RABGAP1L: variants seen among roughly 807,000 people sequenced by gnomAD.
RABGAP1L encodes the protein RAB GTPase activating protein 1 like, also known as rab GTPase-activating protein 1-like.
Under a neutral mutation model 137.7 loss-of-function variants are expected in RABGAP1L, and 63 were observed. The observed-to-expected ratio is 0.46, with a 90% CI of 0.37 to 0.56. The LOEUF is 0.56. Among genes scored for constraint, RABGAP1L ranks in the 20% least tolerant of loss-of-function variants. RABGAP1L has a pLI of 0.00. For missense variants in RABGAP1L, 1,095 were observed against 1,244.0 expected (o/e 0.88, Z 1.80); for synonymous variants, 431 against 433.7 (o/e 0.99, Z 0.08).
intron 18 of RABGAP1L, among the ~76,000 whole-genome samples, chr1:174,806,114 A>G (rs1313593546): frequency 6.6e-6 from 1 of 152,228 alleles, no homozygotes; most frequent in Non-Finnish European, 1.5e-5. Context: ...AGAAGCCAGC[A>G]CAACCTATTT....
At position 174,925,790 on chromosome 1, in the gene RABGAP1L, AAATAT is replaced by A. The variant is rs1301446920; in HGVS notation, c.2341-31663_2341-31659del. 3.4e-5 allele frequency among the ~76,000 whole-genome samples: 5 copies of A among 148,762 alleles called. No homozygotes were observed. The East Asian group carries it at 7.8e-4, about 23-fold the overall frequency. On this transcript the variant is annotated intron_variant, in intron 19 of 25. Transcript: ENST00000681986. ...TTTTTAGTTTTTTGTGCAATTAAAAAAATATAATGTGAGATAGAGAACCTGATTTT... is the reference window on the plus strand; with the variant it reads ...TTTTTAGTTTTTTGTGCAATTAAAAAAATGTGAGATAGAGAACCTGATTTT...
At chr1:174,189,892 C>CT (rs1421416787) in intron 1 of RABGAP1L, among the ~76,000 whole-genome samples, 1 of 152,144 alleles carries the variant, frequency 6.6e-6, no homozygotes, top group African/African-American at 2.4e-5. Flanking sequence ...GAATGAGACT[C>CT]TGTCTCCAAA....
intron 17 of RABGAP1L, among the ~76,000 whole-genome samples, chr1:174,746,299 C>T (rs1375137724): frequency 6.6e-6 from 1 of 152,118 alleles, no homozygotes. Flanking sequence ...AAAGATGATG[C>T]CAGAATGTAA....
intron 11 of RABGAP1L, among the ~76,000 whole-genome samples, chr1:174,350,124 G>T (rs1449468072): frequency 2.2e-5 from 3 of 138,216 alleles, no homozygotes; most frequent in Non-Finnish European, 3.1e-5. Flanking sequence ...GGCACGGCTG[G>T]CCGGGTGGGG....
At chr1:174,358,956 A>G (rs1176039545) in intron 11 of RABGAP1L, among the ~76,000 whole-genome samples, 9 of 152,182 alleles carry the variant, frequency 5.9e-5, no homozygotes, top group Non-Finnish European at 1.0e-4. Flanking sequence ...ATGACGTGCT[A>G]AGTGCTATGA....
chr1:174,355,836 G>T (rs2148946756), intron 11 of RABGAP1L, among the ~76,000 whole-genome samples: 1 of 152,234 alleles, frequency 6.6e-6, no homozygotes, highest in Admixed American at 6.5e-5. Context: ...AGTTGGGAAA[G>T]AAATCATTTG....
At chr1:174,514,050 C>A (rs981365230) in intron 13 of RABGAP1L, among the ~76,000 whole-genome samples, 1 of 151,862 alleles carries the variant, frequency 6.6e-6, no homozygotes, top group Non-Finnish European at 1.5e-5. Context: ...GTTCAGCTAT[C>A]AGAGCAGGAA....
intron 13 of RABGAP1L, among the ~76,000 whole-genome samples, chr1:174,620,840 A>C (rs61826922): frequency 0.091 from 13,828 of 152,080 alleles, 850 homozygotes; most frequent in East Asian, 0.22. Flanking sequence ...ATCAATGAAT[A>C]CAGGAGCTGG....
At chr1:174,290,690 C>T (rs994733564) in intron 10 of RABGAP1L, among the ~76,000 whole-genome samples, 6 of 151,116 alleles carry the variant, frequency 4.0e-5, no homozygotes, top group African/African-American at 1.5e-4. Context: ...TTTTAGAATA[C>T]ATAAAGACTT....
intron 11 of RABGAP1L, among the ~76,000 whole-genome samples, chr1:174,341,949 A>G (rs1377229795): frequency 6.6e-6 from 1 of 152,154 alleles, no homozygotes; most frequent in African/African-American, 2.4e-5. Flanking sequence ...TGAACTCTGT[A>G]CTTGAAGGGT....
At chr1:174,303,278 TA>T (rs796210366) in intron 10 of RABGAP1L, among the ~76,000 whole-genome samples, 2,611 of 147,576 alleles carry the variant, frequency 0.018, 63 homozygotes, top group African/African-American at 0.061. Context: ...TTGTGAACCT[TA>T]AAAAAAAAAA....
At chr1:174,432,729 G>T (rs920173369) in intron 13 of RABGAP1L, among the ~76,000 whole-genome samples, 3 of 152,186 alleles carry the variant, frequency 2.0e-5, no homozygotes, top group African/African-American at 7.2e-5. Flanking sequence ...GTAGGGACAG[G>T]GTTTCACCAT....
At chr1:174,415,700 T>A (rs1650469815) in intron 13 of RABGAP1L, among the ~76,000 whole-genome samples, 1 of 152,064 alleles carries the variant, frequency 6.6e-6, no homozygotes, top group African/African-American at 2.4e-5. Context: ...TATCTTAATT[T>A]TTCTACCCAT....
At chr1:174,183,221 C>T (rs181687904) in intron 1 of RABGAP1L, among the ~76,000 whole-genome samples, 58 of 152,198 alleles carry the variant, frequency 3.8e-4, no homozygotes, top group African/African-American at 1.4e-3. Context: ...CATTTTCTTC[C>T]AAATTTTATT....
chr1:174,483,279 C>G lies in RABGAP1L; in HGVS notation c.1710+89134C>G, dbSNP rs558420303. ...AACCATCCCCACTTCTCTCCCACCC[C>G]CTGCCACAACTTCCCCTCTCAACCT... On this transcript the variant is annotated intron_variant, in intron 13 of 25. Coordinates refer to ENST00000681986, the MANE Select transcript of RABGAP1L (RefSeq NM_001366446.1). Among the ~76,000 whole-genome samples the G allele has an allele frequency of 3.3e-5, 5 of 152,230 alleles. No individual in the cohort carries two copies. The South Asian group carries it at 8.3e-4, about 25-fold the overall frequency.
At chr1:174,857,116 G>C (rs147970387) in intron 19 of RABGAP1L, among the ~76,000 whole-genome samples, 27 of 152,330 alleles carry the variant, frequency 1.8e-4, no homozygotes, top group African/African-American at 6.3e-4. Flanking sequence ...CCCCAGGGAA[G>C]TTCTGTCTGC....
chr1:174,456,061 A>T (rs1476278130), intron 13 of RABGAP1L, among the ~76,000 whole-genome samples: 1 of 152,122 alleles, frequency 6.6e-6, no homozygotes, highest in Non-Finnish European at 1.5e-5. Flanking sequence ...TAGTTATTTG[A>T]TATAGAAGAA....
At chr1:174,208,701 A>G (rs965647208) in intron 1 of RABGAP1L, among the ~76,000 whole-genome samples, 1 of 152,192 alleles carries the variant, frequency 6.6e-6, no homozygotes, top group Non-Finnish European at 1.5e-5. Context: ...GTCATTATAG[A>G]TATGGATGTA....
chr1:174,165,071 A>C (rs1183755810), intron 1 of RABGAP1L, among the ~76,000 whole-genome samples: 4 of 152,246 alleles, frequency 2.6e-5, no homozygotes, highest in Non-Finnish European at 5.9e-5. Context: ...AACAACAGTG[A>C]TAATGAAAGG....
Sources: gnomAD v4.1 joint callset for allele counts (sites outside exome capture counted in the v4.1 genomes callset) on GRCh38, gnomAD v4.1.1 for gene constraint, MANE v1.5 for transcripts, NCBI Gene and HGNC (gene_info 2026-07-23, HGNC 2026-07-21) for gene names.